MYH9: variants seen among roughly 807,000 people sequenced by gnomAD.
MYH9 encodes myosin-9.
Under a neutral mutation model 241.9 loss-of-function variants are expected in MYH9, and 29 were observed. That is an observed-to-expected ratio of 0.12 (90% confidence interval 0.09 to 0.16). The LOEUF (loss-of-function observed/expected upper bound fraction) is 0.16. Among genes scored for constraint, MYH9 ranks in the 10% least tolerant of loss-of-function variants. The probability of loss-of-function intolerance (pLI) is 1.00; values close to 1 mark genes in which losing one functional copy is unlikely to be tolerated. For synonymous variants in MYH9, 1,047 were observed against 1,062.6 expected (o/e 0.99, Z 0.29); for missense variants, 1,803 against 2,595.5 (o/e 0.69, Z 6.63).
At chr22:36,335,645 T>C (rs2017486846) in intron 3 of MYH9, among the ~76,000 whole-genome samples, 1 of 152,164 alleles carries the variant, frequency 6.6e-6, no homozygotes, top group African/African-American at 2.4e-5. Flanking sequence ...AGGGAGAATG[T>C]GGAGAGAAGG....
chr22:36,303,784 C>CAAAAAAAAA (rs56983008), intron 19 of MYH9, among the ~76,000 whole-genome samples: 1 of 48,432 alleles, frequency 2.1e-5, no homozygotes, highest in Non-Finnish European at 4.4e-5. Context: ...GACTCCGTCT[C>CAAAAAAAAA]AAAAAAAAAA....
chr22:36,295,652 A>T lies in MYH9; in HGVS notation c.3338T>A (p.Ile1113Asn). 6.2e-7 allele frequency: 1 copy of T among 1,613,850 alleles called. No homozygotes were observed. Among genetic ancestry groups the T allele is most frequent in the Non-Finnish European group, 8.5e-7 (1 of 1,179,998 alleles). ...CTCCAGGTCTTCCTGGAGTTCAGAG[A>T]TCTGAGATTCCAGCTCCCGGATCTT... ...LKKIRELESQ[I>N]SELQEDLESE... The change falls in exon 26 of 41, where the codon ATC becomes AAC. Residue 1113 changes from isoleucine (I) to asparagine (N), a missense_variant. By Grantham distance (149) the Ile-to-Asn change is moderately radical. Coordinates refer to ENST00000216181, the MANE Select transcript of MYH9 (RefSeq NM_002473.6). This position sits in a 1 kb window ranked among gnomAD's most constrained non-coding sequence, Gnocchi z 4.1.
chr22:36,307,408 T>C (rs1279226430), intron 15 of MYH9, among the ~76,000 whole-genome samples: 1 of 152,228 alleles, frequency 6.6e-6, no homozygotes, highest in Non-Finnish European at 1.5e-5. Context: ...TTGAGATCAG[T>C]TTAAGCAAGA....
chr22:36,377,124 G>C (rs924646941), intron 1 of MYH9, among the ~76,000 whole-genome samples: 16 of 151,936 alleles, frequency 1.1e-4, no homozygotes, highest in Non-Finnish European at 2.2e-4. Context: ...TAAGGACTAG[G>C]AGCTGACTCT....
Position 36,301,533 on chromosome 22 carries a change from C to G in MYH9, c.2631+1G>C. On this transcript the variant is annotated splice_donor_variant, in intron 21 of 40. Transcript: ENST00000216181. LOFTEE classifies it high-confidence loss of function. ...TGGACTGAGCCTGCACTGACACCCA[C>G]CTGAGACTGCAGCGTCTCCATCTCC... The G allele has an allele frequency of 6.2e-7, 1 of 1,613,408 alleles. No individual in the cohort carries two copies. The highest frequency in any genetic ancestry group is 8.5e-7 in the Non-Finnish European group (1 of 1,180,038).
intron 1 of MYH9, among the ~76,000 whole-genome samples, chr22:36,387,387 A>AGC (rs1159084995): frequency 6.6e-6 from 1 of 152,136 alleles, no homozygotes; most frequent in Non-Finnish European, 1.5e-5. Flanking sequence ...CCAACCCGTG[A>AGC]GGCTGCGTCC....
At chr22:36,303,870 GC>G (rs1569535308) in intron 19 of MYH9, 124 bp downstream of exon 19, 3 of 1,066,558 alleles carry the variant, frequency 2.8e-6, no homozygotes. Context: ...GGTAGGAAGA[GC>G]CACCTGGGCC....
At chr22:36,326,290 C>T (rs1459037670) in intron 5 of MYH9, among the ~76,000 whole-genome samples, 1 of 152,234 alleles carries the variant, frequency 6.6e-6, no homozygotes, top group Non-Finnish European at 1.5e-5. Context: ...CAGCAACGAG[C>T]TGCAAAAGCC....
intron 1 of MYH9, among the ~76,000 whole-genome samples, chr22:36,386,727 C>G (rs77315955): frequency 0.057 from 8,628 of 152,252 alleles, 257 homozygotes; most frequent in East Asian, 0.1. Flanking sequence ...CACAGGACAG[C>G]CGGCAAGCTA....
At chr22:36,304,577 A>G (rs1342010711) in intron 18 of MYH9, among the ~76,000 whole-genome samples, 9 of 152,210 alleles carry the variant, frequency 5.9e-5, no homozygotes, top group Admixed American at 2.6e-4. Flanking sequence ...CTTTCAATCA[A>G]CCGGAACTCA....
At chr22:36,308,210 T>TA (rs2017002653) in intron 15 of MYH9, among the ~76,000 whole-genome samples, 1 of 152,240 alleles carries the variant, frequency 6.6e-6, no homozygotes, top group South Asian at 2.1e-4. Flanking sequence ...TAAGACGCTG[T>TA]CTTTAGGCAT....
At position 36,354,943 on chromosome 22, in the gene MYH9, AAAC is replaced by A. The variant is rs2017829415; in HGVS notation, c.-19-5691_-19-5689del. Among the ~76,000 whole-genome samples, 3 of 145,398 alleles carry A rather than the reference AAAC, an allele frequency of 2.1e-5. No individual in the cohort carries two copies. In the South Asian group the frequency reaches 6.6e-4, roughly 32 times the overall value. Reference sequence around the variant, plus strand: ...TCATCTACCACTTAAAAAAACAAAAAAACAAAAAACAAAACACACACACACACA... The same window carrying A: ...TCATCTACCACTTAAAAAAACAAAAAAAAAAACAAAACACACACACACACA... On this transcript the variant is annotated intron_variant, in intron 1 of 40. Coordinates refer to ENST00000216181, the MANE Select transcript of MYH9 (RefSeq NM_002473.6).
At chr22:36,359,716 G>C (rs2017908012) in intron 1 of MYH9, among the ~76,000 whole-genome samples, 1 of 152,158 alleles carries the variant, frequency 6.6e-6, no homozygotes, top group Non-Finnish European at 1.5e-5. Flanking sequence ...GGCTGGCATG[G>C]CCTCTGCTCT....
chr22:36,368,869 A>T (rs1284322440), intron 1 of MYH9, among the ~76,000 whole-genome samples: 1 of 146,962 alleles, frequency 6.8e-6, no homozygotes, highest in Non-Finnish European at 1.5e-5. Context: ...GCGATAGAGC[A>T]TCACATTCTT....
At chr22:36,297,297 G>A in intron 24 of MYH9, 1 of 480,742 alleles carries the variant, frequency 2.1e-6, no homozygotes, top group East Asian at 3.8e-5. Flanking sequence ...TTCCCTTGAA[G>A]GCTGTACCAT....
rs967325245 is a variant in MYH9, at chr22:36,288,546, C to T, written c.4771-133G>A. ...CGGGAAACCAGTGGGGATTACTGAC[C>T]ATAAGAACTCTAAGAAAGTGAGTCA... On this transcript the variant is annotated intron_variant, in intron 33 of 40. Transcript: ENST00000216181. This position sits in a 1 kb window ranked among gnomAD's most constrained non-coding sequence, Gnocchi z 4.8. 2 of 1,368,212 alleles carry T rather than the reference C, an allele frequency of 1.5e-6. No individual in the cohort carries two copies. Among genetic ancestry groups the T allele is most frequent in the African/African-American group, 2.9e-5 (2 of 69,976 alleles). The allele number at this position is 1,368,212 out of a possible 1,614,324, so 84.8% of individuals were successfully genotyped here.
In MYH9 at chr22:36,282,655, CAGG is replaced by C. The variant is rs2016510693; in HGVS notation, c.*10_*12del. 6.2e-7 allele frequency: 1 copy of C among 1,611,686 alleles called. No homozygotes were observed. Among genetic ancestry groups the C allele is most frequent in the Non-Finnish European group, 8.5e-7 (1 of 1,178,310 alleles). ...CTGTCTGTCCATCCATCTCAGGCTGCAGGAGAAGAGGCTTATTCGGCAGGTTTG... is the reference window on the plus strand; with the variant it reads ...CTGTCTGTCCATCCATCTCAGGCTGCAGAAGAGGCTTATTCGGCAGGTTTG... On this transcript the variant is annotated 3_prime_UTR_variant, in exon 41 of 41. Transcript: ENST00000216181.
In MYH9 at chr22:36,282,562, G is replaced by T; in HGVS notation, c.*106C>A. 1 of 1,066,072 alleles carries T rather than the reference G, an allele frequency of 9.4e-7. No homozygotes were observed. The highest frequency in any genetic ancestry group is 1.4e-6 in the Non-Finnish European group (1 of 690,034). The allele number at this position is 1,066,072 out of a possible 1,614,324, so 66.0% of individuals were successfully genotyped here. A position where few individuals can be genotyped will look rare whatever the true frequency, so the allele number is the denominator to read the frequency against. On this transcript the variant is annotated 3_prime_UTR_variant, in exon 41 of 41. Transcript: ENST00000216181. ...CGGGGCGGAGGGCAGGAGGAGGCAT[G>T]TTCACAGCAGTCCCAAGAAGGTGGG...
chr22:36,316,236 GTTGGTCA>G (rs2017148818), intron 12 of MYH9, among the ~76,000 whole-genome samples: 1 of 151,622 alleles, frequency 6.6e-6, no homozygotes, highest in Admixed American at 6.6e-5. Context: ...GTTTCTCCAT[GTTGGTCA>G]GGCTGGTCTC....
Sources: gnomAD v4.1 joint callset for allele counts (sites outside exome capture counted in the v4.1 genomes callset) on GRCh38, gnomAD v4.1.1 for gene constraint, Gnocchi (gnomAD v3.1) non-coding constraint, MANE v1.5 for transcripts, NCBI Gene and HGNC (gene_info 2026-07-23, HGNC 2026-07-21) for gene names.